Variants in OSMR observed in about 807,000 individuals in gnomAD.
OSMR encodes oncostatin M receptor, also known as oncostatin-M-specific receptor subunit beta.
Under a neutral mutation model 99.9 loss-of-function variants are expected in OSMR, and 81 were observed. The ratio of observed to expected loss-of-function variants is 0.81; its 90% confidence interval spans 0.68 to 0.97. The LOEUF (loss-of-function observed/expected upper bound fraction) is 0.97. Among genes scored for constraint, OSMR ranks in the 50% least tolerant of loss-of-function variants. OSMR has a pLI of 0.00. For missense variants in OSMR, 1,099 were observed against 1,153.4 expected (o/e 0.95, Z 0.68); for synonymous variants, 406 against 410.4 (o/e 0.99, Z 0.13).
At chr5:38,864,019 C>G (rs994042132) in intron 1 of OSMR, among the ~76,000 whole-genome samples, 1 of 152,116 alleles carries the variant, frequency 6.6e-6, no homozygotes, top group Non-Finnish European at 1.5e-5. Context: ...TTTCCTATCC[C>G]TTCACTTTCA....
At chr5:38,921,149 A>C (rs180899877) in intron 11 of OSMR, among the ~76,000 whole-genome samples, 75 of 152,256 alleles carry the variant, frequency 4.9e-4, no homozygotes, top group African/African-American at 1.8e-3. Flanking sequence ...AAGGATCAAA[A>C]AATTTTGTGG....
rs113504931 is a variant in OSMR at position 38,874,236 on chromosome 5, T to A, written c.74-1965T>A. Reference sequence around the variant, plus strand: ...ACTTGTTTATTTTATTGTCTATTTGTTGTTGTTGTTGTTGTTGCTCATACT... The same window carrying A: ...ACTTGTTTATTTTATTGTCTATTTGATGTTGTTGTTGTTGTTGCTCATACT... On this transcript the variant is annotated intron_variant, in intron 2 of 17. Transcript: ENST00000274276. 7.2e-3 allele frequency among the ~76,000 whole-genome samples: 1,084 copies of A among 151,022 alleles called. 24 individuals are homozygous for A. The highest frequency in any genetic ancestry group is 0.025 in the African/African-American group (1,013 of 40,392).
chr5:38,848,959 G>C (rs1412001089), intron 1 of OSMR, among the ~76,000 whole-genome samples: 2 of 150,462 alleles, frequency 1.3e-5, no homozygotes, highest in Non-Finnish European at 1.5e-5. Flanking sequence ...TGTATTTTTT[G>C]TAAAGATTGG....
chr5:38,933,297 T>C lies in OSMR; in HGVS notation c.2793T>C (p.Ser931=), dbSNP rs770623797. Residue 931 remains serine, a synonymous_variant, in exon 18 of 18, where the codon AGT becomes AGC. Transcript: ENST00000274276. ...CACCCATGTTTGGAGACAAGGACAG[T>C]CTCCCAACAAACCCAGTAGAGGCAC... is the stretch of plus-strand genomic sequence containing the variant. ...LASPMFGDKD[S]LPTNPVEAPH... is the part of the protein sequence containing the mutation. The C allele has an allele frequency of 6.2e-7, 1 of 1,614,120 alleles. No individual in the cohort carries two copies. Among genetic ancestry groups the C allele is most frequent in the Non-Finnish European group, 8.5e-7 (1 of 1,179,998 alleles).
chr5:38,869,258 T>C, intron 2 of OSMR, 141 bp downstream of exon 2: 2 of 775,622 alleles, frequency 2.6e-6, no homozygotes, highest in Non-Finnish European at 4.6e-6. Context: ...AGGAGATTTG[T>C]CAATCTCTCT....
At position 38,892,627 on chromosome 5, in the gene OSMR, C is replaced by T. The variant is rs73083338; in HGVS notation, c.991+6437C>T. Among the ~76,000 whole-genome samples, 448 of 152,188 alleles carry T rather than the reference C, an allele frequency of 2.9e-3. 2 individuals carry two copies. Among genetic ancestry groups the T allele is most frequent in the African/African-American group, 0.01 (425 of 41,518 alleles). On this transcript the variant is annotated intron_variant, in intron 7 of 17. Transcript: ENST00000274276. ...ACAAGAAGTAGCAGTACTGCCACAT[C>T]GGAGAACAGACAAGCCATAAAGCTA... is the stretch of plus-strand genomic sequence containing the variant.
At chr5:38,861,825 G>C (rs1267220744) in intron 1 of OSMR, among the ~76,000 whole-genome samples, 1 of 147,284 alleles carries the variant, frequency 6.8e-6, no homozygotes, top group Non-Finnish European at 1.5e-5. Flanking sequence ...GGGCGGCTGG[G>C]CAGAGGCGCC....
At chr5:38,941,940 C>T (rs925929156) in intron 1 of OSMR, 3 of 238,648 alleles carry the variant, frequency 1.3e-5, no homozygotes, top group Non-Finnish European at 2.5e-5. Flanking sequence ...TCAGAAATAA[C>T]TTGTGAAGGG....
chr5:38,864,083 G>A (rs538446841), intron 1 of OSMR, among the ~76,000 whole-genome samples: 109 of 152,154 alleles, frequency 7.2e-4, no homozygotes, highest in African/African-American at 2.3e-3. Context: ...GCATGTAGTT[G>A]GGTCATTTTT....
chr5:38,865,342 A>G (rs1299857698), intron 1 of OSMR, among the ~76,000 whole-genome samples: 1 of 152,170 alleles, frequency 6.6e-6, no homozygotes, highest in Non-Finnish European at 1.5e-5. Flanking sequence ...CTATCTGAGC[A>G]TCTGGTGAAA....
At chr5:38,872,539 G>T (rs1318922747) in intron 2 of OSMR, among the ~76,000 whole-genome samples, 1 of 152,204 alleles carries the variant, frequency 6.6e-6, no homozygotes, top group Non-Finnish European at 1.5e-5. Flanking sequence ...ATCTAAGGAG[G>T]AATTGCACAT....
chr5:38,858,088 T>A (rs1377072458), intron 1 of OSMR, among the ~76,000 whole-genome samples: 2 of 152,248 alleles, frequency 1.3e-5, no homozygotes, highest in African/African-American at 4.8e-5. Context: ...TTTTAGGATA[T>A]CTATCACCTG....
chr5:38,891,377 C>A (rs72635257), intron 7 of OSMR, among the ~76,000 whole-genome samples: 5 of 152,154 alleles, frequency 3.3e-5, no homozygotes, highest in Non-Finnish European at 2.9e-5. Context: ...AGCTAGTGTG[C>A]GCTGCTCTCA....
At position 38,918,094 on chromosome 5, in the gene OSMR, G is replaced by A. The variant is rs1579787423; in HGVS notation, c.1362+472G>A. Among the ~76,000 whole-genome samples the A allele has an allele frequency of 2.6e-5, 4 of 152,220 alleles. No homozygotes were observed. The South Asian group carries it at 6.2e-4, about 24-fold the overall frequency. ...CTCTGTGATGCGTCAGTTTCACACT[G>A]AAACATGGTGATCCTGGGAGAGTTG... On this transcript the variant is annotated intron_variant, in intron 10 of 17. Coordinates refer to ENST00000274276, the MANE Select transcript of OSMR (RefSeq NM_003999.3).
intron 15 of OSMR, among the ~76,000 whole-genome samples, chr5:38,929,679 C>T (rs908160509): frequency 1.3e-5 from 2 of 152,004 alleles, no homozygotes; most frequent in Non-Finnish European, 2.9e-5. Context: ...CATATATATA[C>T]CTTAGATGTG....
At chr5:38,914,220 G>A (rs893701411) in intron 9 of OSMR, among the ~76,000 whole-genome samples, 4 of 152,162 alleles carry the variant, frequency 2.6e-5, no homozygotes, top group Admixed American at 2.6e-4. Context: ...TGTTGGCTGA[G>A]GTTGTTTCTC....
chr5:38,945,135 T>A (rs1158814225), downstream of OSMR: 3 of 1,090,256 alleles, frequency 2.8e-6, no homozygotes, highest in African/African-American at 4.8e-5. Context: ...TTACATTGCA[T>A]GCTAAAAAGA....
downstream of OSMR, chr5:38,939,012 C>T (rs183334869): frequency 2.6e-4 from 60 of 233,018 alleles, no homozygotes; most frequent in African/African-American, 1.2e-3. Context: ...AAGAACATTT[C>T]CCAAAGTAGT....
intron 11 of OSMR, chr5:38,919,459 G>T: frequency 1.3e-6 from 1 of 759,618 alleles, no homozygotes; most frequent in Non-Finnish European, 1.9e-6. Context: ...TTTGCACCTG[G>T]AAAGAGTCCA....
Sources: gnomAD v4.1 joint callset for allele counts (sites outside exome capture counted in the v4.1 genomes callset) on GRCh38, gnomAD v4.1.1 for gene constraint, MANE v1.5 for transcripts, NCBI Gene and HGNC (gene_info 2026-07-23, HGNC 2026-07-21) for gene names.